TBC1D16: variants seen among roughly 807,000 people sequenced by gnomAD.
TBC1D16 encodes the protein TBC1 domain family member 16.
Under a neutral mutation model 74.7 loss-of-function variants are expected in TBC1D16, and 58 were observed. That is an observed-to-expected ratio of 0.78 (90% CI 0.63 to 0.97). TBC1D16 has a LOEUF of 0.97. Ranked by LOEUF, TBC1D16 falls within the 50% of genes least tolerant of loss-of-function variation. TBC1D16 has a pLI of 0.00. For synonymous variants in TBC1D16, 493 were observed against 474.7 expected, an observed-to-expected ratio of 1.04 and a Z score of -0.50; for missense variants, 1,014 against 1,079.5, an observed-to-expected ratio of 0.94 and a Z score of 0.85.
chr17:79,973,165 G>A (rs1282915462), intron 3 of TBC1D16, among the ~76,000 whole-genome samples: 1 of 152,252 alleles, frequency 6.6e-6, no homozygotes, highest in Non-Finnish European at 1.5e-5. Flanking sequence ...GTTGGTGCCT[G>A]AAACCTTGGA....
chr17:79,991,603 A>T (rs1032372943), intron 3 of TBC1D16, among the ~76,000 whole-genome samples: 4 of 151,662 alleles, frequency 2.6e-5, no homozygotes, highest in Non-Finnish European at 5.9e-5. Context: ...GTGATTTAGG[A>T]TTCACCAAAA....
chr17:80,024,665 GAC>G (rs1399433318), intron 1 of TBC1D16, among the ~76,000 whole-genome samples: 38 of 2,386 alleles, frequency 0.016, no homozygotes, highest in Non-Finnish European at 0.034. Flanking sequence ...ACACACCATA[GAC>G]ACACAGACAC....
At chr17:79,963,705 T>C (rs1222972617) in intron 3 of TBC1D16, among the ~76,000 whole-genome samples, 11 of 152,244 alleles carry the variant, frequency 7.2e-5, no homozygotes, top group Admixed American at 5.9e-4. Context: ...CAGCAATGCA[T>C]AGGGATTTCA....
At chr17:80,023,666 C>T (rs28698103) in intron 1 of TBC1D16, among the ~76,000 whole-genome samples, 1 of 144,472 alleles carries the variant, frequency 6.9e-6, no homozygotes, top group African/African-American at 2.7e-5. Context: ...GGCCCCCCCC[C>T]ACCGGCTCAG....
chr17:80,020,174 C>T (rs1328894316), intron 1 of TBC1D16, among the ~76,000 whole-genome samples: 3 of 149,846 alleles, frequency 2.0e-5, no homozygotes, highest in African/African-American at 7.6e-5. Flanking sequence ...ACACCTTGAT[C>T]TTAGACTTCC....
Position 80,016,801 on chromosome 17 carries a change from C to T in TBC1D16, c.-62-3192G>A, listed in dbSNP as rs148086369. On this transcript the variant is annotated intron_variant, in intron 1 of 11. Coordinates refer to ENST00000310924, the MANE Select transcript of TBC1D16 (RefSeq NM_019020.4). Reference sequence around the variant, plus strand: ...CTCCCCCAGCCCTGTTTGTGTATTTCCAATTGTCTCCATGGCTGCTGACTT... The same window carrying T: ...CTCCCCCAGCCCTGTTTGTGTATTTTCAATTGTCTCCATGGCTGCTGACTT... Among the ~76,000 whole-genome samples, 1,518 of 152,310 alleles carry T rather than the reference C, an allele frequency of 1.0e-2. 9 individuals carry two copies. Among genetic ancestry groups the T allele is most frequent in the Non-Finnish European group, 0.016 (1,120 of 68,024 alleles).
At position 79,971,929 on chromosome 17, in the gene TBC1D16, G is replaced by A. The variant is rs951214095; in HGVS notation, c.780-19111C>T. Among the ~76,000 whole-genome samples the A allele has an allele frequency of 1.3e-5, 2 of 152,262 alleles. No individual in the cohort carries two copies. The highest frequency in any genetic ancestry group is 1.5e-5 in the Non-Finnish European group (1 of 68,000). ...AGAGCCTGAGTGGGTGCAGGGACAA[G>A]GAAGGTCTGCGGAGGACAGGTCGGA... On this transcript the variant is annotated intron_variant, in intron 3 of 11. Transcript: ENST00000310924. This position sits in a 1 kb window ranked among gnomAD's most constrained non-coding sequence, Gnocchi z 4.6.
Position 80,035,430 on chromosome 17 carries a change from C to T in TBC1D16, c.-63+365G>A, listed in dbSNP as rs899907722. Among the ~76,000 whole-genome samples, 5 of 152,178 alleles carry T rather than the reference C, an allele frequency of 3.3e-5. No homozygotes were observed. In the South Asian group the frequency reaches 8.3e-4, roughly 25 times the overall value. On this transcript the variant is annotated intron_variant, in intron 1 of 11. Transcript: ENST00000310924. The surrounding 1 kb of genome is among the most constrained non-coding windows in gnomAD (Gnocchi z 5.3). ...CGGCACCCCACAAGTTCTCATCCGTCTGCTCCGCCGATTCAGCCAGACAAA... is the reference window on the plus strand; with the variant it reads ...CGGCACCCCACAAGTTCTCATCCGTTTGCTCCGCCGATTCAGCCAGACAAA...
In TBC1D16 at chr17:79,941,949, C is replaced by A; in HGVS notation, c.2055+111G>T. ...CTGGGGGGCCATGGTGGGGATGGGG[C>A]TCTGGGGGCGGGGCCCACATCTGGG... On this transcript the variant is annotated intron_variant, in intron 11 of 11. Transcript: ENST00000310924. The surrounding 1 kb of genome is among the most constrained non-coding windows in gnomAD (Gnocchi z 4.3). 9.9e-7 allele frequency: 1 copy of A among 1,013,038 alleles called. No individual in the cohort carries two copies. The highest frequency in any genetic ancestry group is 1.4e-6 in the Non-Finnish European group (1 of 702,864). 62.8% of individuals were successfully genotyped at this position (1,013,038 alleles called of 1,614,324 possible). A position where few individuals can be genotyped will look rare whatever the true frequency, so the allele number is the denominator to read the frequency against.
chr17:79,994,276 C>G lies in TBC1D16; in HGVS notation c.779+15884G>C, dbSNP rs970565543. Among the ~76,000 whole-genome samples the G allele has an allele frequency of 5.9e-5, 9 of 151,818 alleles. No homozygotes were observed. The highest frequency in any genetic ancestry group is 1.3e-4 in the Admixed American group (2 of 15,210). ...TGGCTGGTGACTTCTAGAATCCCAGCTCAGGGCCGGGGGGGTGCCAGGGCT... is the reference window on the plus strand; with the variant it reads ...TGGCTGGTGACTTCTAGAATCCCAGGTCAGGGCCGGGGGGGTGCCAGGGCT... On this transcript the variant is annotated intron_variant, in intron 3 of 11. Coordinates refer to ENST00000310924, the MANE Select transcript of TBC1D16 (RefSeq NM_019020.4). The surrounding 1 kb of genome is among the most constrained non-coding windows in gnomAD (Gnocchi z 4.6).
intron 3 of TBC1D16, among the ~76,000 whole-genome samples, chr17:80,004,549 CAGAGGGACCTT>C (rs750841566): frequency 6.6e-5 from 10 of 152,250 alleles, no homozygotes; most frequent in South Asian, 2.1e-4. Flanking sequence ...CCTGATCCAA[CAGAGGGACCTT>C]AGAGGGACCT....
chr17:79,946,374 G>A (rs1179104325), intron 9 of TBC1D16, among the ~76,000 whole-genome samples: 2 of 152,204 alleles, frequency 1.3e-5, no homozygotes, highest in Admixed American at 6.5e-5. Flanking sequence ...CTGATCTGAC[G>A]GCAGGTGGAG....
chr17:79,955,737 A>G (rs1027954302), intron 3 of TBC1D16, among the ~76,000 whole-genome samples: 1 of 152,210 alleles, frequency 6.6e-6, no homozygotes, highest in African/African-American at 2.4e-5. Flanking sequence ...CATTTCTATC[A>G]TTTTCTGAAG....
At chr17:79,977,853 G>C (rs1365975113) in intron 3 of TBC1D16, among the ~76,000 whole-genome samples, 1 of 152,226 alleles carries the variant, frequency 6.6e-6, no homozygotes, top group African/African-American at 2.4e-5. Context: ...GGCTGTGCAC[G>C]GGAGGGCGAT....
intron 1 of TBC1D16, among the ~76,000 whole-genome samples, chr17:80,024,202 G>A (rs1038820337): frequency 2.1e-5 from 3 of 144,686 alleles, no homozygotes; most frequent in Non-Finnish European, 4.6e-5. Context: ...CTGCAGCGGG[G>A]CACGCCCCAC....
chr17:80,011,862 T>A (rs937514608), intron 2 of TBC1D16, among the ~76,000 whole-genome samples: 21 of 151,846 alleles, frequency 1.4e-4, no homozygotes, highest in African/African-American at 4.6e-4. Flanking sequence ...CTGGGTGGTA[T>A]TTGGGCCTTT....
intron 5 of TBC1D16, among the ~76,000 whole-genome samples, 157 bp downstream of exon 5, chr17:79,951,293 A>T (rs11150824): frequency 0.29 from 44,874 of 152,156 alleles, 7,141 homozygotes; most frequent in Admixed American, 0.44. Context: ...TTTCAAACCC[A>T]AAGTTGCTGC....
intron 1 of TBC1D16, among the ~76,000 whole-genome samples, chr17:80,014,116 G>T (rs1391265134): frequency 6.6e-6 from 1 of 152,188 alleles, no homozygotes; most frequent in Non-Finnish European, 1.5e-5. Flanking sequence ...CAGTACTCTG[G>T]GAGGCTGAGG....
In TBC1D16 at chr17:80,025,574, G is replaced by GAGCACCCCCCTGCTGGC. The variant is rs1293948516; in HGVS notation, c.-63+10220_-63+10221insGCCAGCAGGGGGGTGCT. The stretch of plus-strand genomic sequence containing the variant: ...CTGGGCTTCGGGGCCCGCCTGCTGG[G>GAGCACCCCCCTGCTGGC]AGCAGCCGCCTGCTGGGAGCACCTC... On this transcript the variant is annotated intron_variant, in intron 1 of 11. Transcript: ENST00000310924. Among the ~76,000 whole-genome samples, 31 of 149,456 alleles carry GAGCACCCCCCTGCTGGC rather than the reference G, an allele frequency of 2.1e-4. 3 individuals carry two copies. The highest frequency in any genetic ancestry group is 6.9e-4 in the African/African-American group (27 of 39,112).
Sources: gnomAD v4.1 joint callset for allele counts (sites outside exome capture counted in the v4.1 genomes callset) on GRCh38, gnomAD v4.1.1 for gene constraint, Gnocchi (gnomAD v3.1) non-coding constraint, MANE v1.5 for transcripts, NCBI Gene and HGNC (gene_info 2026-07-23, HGNC 2026-07-21) for gene names.